The following MITF variants were observed in gnomAD, a reference collection of about 807,000 sequenced individuals.
The protein encoded by MITF is melanocyte inducing transcription factor.
MITF carries 17 observed loss-of-function variants against 60.5 expected under a neutral mutation model. The observed-to-expected ratio is 0.28, with a 90% CI of 0.19 to 0.42. The LOEUF is 0.42. Ranked by LOEUF, MITF falls within the 10% of genes least tolerant of loss-of-function variation. MITF has a pLI of 1.00. For synonymous variants in MITF, 260 were observed against 248.5 expected (o/e 1.05, Z -0.43); for missense variants, 622 against 683.5 (o/e 0.91, Z 1.00).
chr3:69,861,776 G>A (rs977317184), intron 1 of MITF, among the ~76,000 whole-genome samples: 2 of 152,096 alleles, frequency 1.3e-5, no homozygotes, highest in Non-Finnish European at 2.9e-5. Context: ...AGGGCCTTTC[G>A]GTGGCATGTG....
intron 1 of MITF, among the ~76,000 whole-genome samples, chr3:69,860,388 C>G (rs1485515583): frequency 2.0e-5 from 3 of 152,024 alleles, no homozygotes; most frequent in African/African-American, 7.2e-5. Context: ...GGGCGGATCA[C>G]GAGGTCGGGA....
intron 1 of MITF, among the ~76,000 whole-genome samples, chr3:69,805,535 G>T (rs573218693): frequency 6.6e-6 from 1 of 152,050 alleles, no homozygotes; most frequent in South Asian, 2.1e-4. Flanking sequence ...CTTATTTGTT[G>T]TTATCTTTTC....
chr3:69,744,974 T>A (rs1703667961), intron 1 of MITF, among the ~76,000 whole-genome samples: 1 of 152,198 alleles, frequency 6.6e-6, no homozygotes, highest in African/African-American at 2.4e-5. Flanking sequence ...GTATGTACTA[T>A]GTGTGAGCCC....
chr3:69,811,075 C>A (rs2063093539), intron 1 of MITF, among the ~76,000 whole-genome samples: 1 of 152,184 alleles, frequency 6.6e-6, no homozygotes, highest in Non-Finnish European at 1.5e-5. Context: ...ACTCTGACAA[C>A]ACATTAGAAT....
chr3:69,791,497 T>C (rs2106915219), intron 1 of MITF, among the ~76,000 whole-genome samples: 1 of 152,306 alleles, frequency 6.6e-6, no homozygotes, highest in Non-Finnish European at 1.5e-5. Flanking sequence ...TTGCAATTCT[T>C]TATGTGCAAG....
At chr3:69,866,479 C>G in intron 1 of MITF, 3 of 973,188 alleles carry the variant, frequency 3.1e-6, no homozygotes, top group Non-Finnish European at 2.7e-6. Flanking sequence ...TTACTTCTCA[C>G]TGGCTTTAAT....
At chr3:69,783,817 T>C (rs1472036049) in intron 1 of MITF, among the ~76,000 whole-genome samples, 1 of 152,202 alleles carries the variant, frequency 6.6e-6, no homozygotes, top group Admixed American at 6.5e-5. Flanking sequence ...CCTGGGTCTT[T>C]GGACTCCAGC....
chr3:69,826,509 T>C (rs1287423449), intron 1 of MITF, among the ~76,000 whole-genome samples: 1 of 152,248 alleles, frequency 6.6e-6, no homozygotes, highest in Non-Finnish European at 1.5e-5. Flanking sequence ...GCATTTACAG[T>C]GAGGCTATGA....
At chr3:69,757,417 C>T (rs1704191610) in intron 1 of MITF, among the ~76,000 whole-genome samples, 1 of 152,080 alleles carries the variant, frequency 6.6e-6, no homozygotes, top group Non-Finnish European at 1.5e-5. Context: ...AACAAAAAGA[C>T]AAACACACTG....
chr3:69,774,182 A>G (rs1276287815), intron 1 of MITF, among the ~76,000 whole-genome samples: 1 of 152,192 alleles, frequency 6.6e-6, no homozygotes, highest in Non-Finnish European at 1.5e-5. Flanking sequence ...CTAGTGCCAC[A>G]CATGCTAGGA....
intron 2 of MITF, among the ~76,000 whole-genome samples, chr3:69,918,000 T>A (rs1057443241): frequency 6.6e-6 from 1 of 152,172 alleles, no homozygotes; most frequent in Non-Finnish European, 1.5e-5. Context: ...TATATGTTGT[T>A]CCTTCCTTTT....
intron 1 of MITF, among the ~76,000 whole-genome samples, chr3:69,805,751 T>A (rs2062995100): frequency 6.6e-6 from 1 of 151,714 alleles, no homozygotes. Context: ...CTCCAACCCC[T>A]GGCCTCAAGC....
At chr3:69,763,706 G>C (rs1439557053) in intron 1 of MITF, 2 of 1,310,982 alleles carry the variant, frequency 1.5e-6, no homozygotes, top group Admixed American at 3.3e-5. Context: ...AGTGTTTTCA[G>C]CTCTCTTCTG....
intron 1 of MITF, among the ~76,000 whole-genome samples, chr3:69,860,583 A>G (rs992499411): frequency 5.6e-5 from 8 of 142,986 alleles, no homozygotes; most frequent in African/African-American, 7.6e-5. Flanking sequence ...GGGCGACAGA[A>G]CGAGACTCCG....
chr3:69,938,892 G>A (rs2065905396), intron 3 of MITF: 4 of 1,455,246 alleles, frequency 2.7e-6, no homozygotes, highest in African/African-American at 1.4e-5. Flanking sequence ...CAAACCAACT[G>A]CTTTATTTTT....
intron 1 of MITF, among the ~76,000 whole-genome samples, chr3:69,827,433 A>G (rs539434459): frequency 6.6e-6 from 1 of 152,370 alleles, no homozygotes; most frequent in South Asian, 2.1e-4. Flanking sequence ...AATGAGCACT[A>G]TCCATTTGGG....
intron 1 of MITF, among the ~76,000 whole-genome samples, chr3:69,805,080 A>T (rs529906329): frequency 6.6e-6 from 1 of 152,196 alleles, no homozygotes; most frequent in South Asian, 2.1e-4. Context: ...TTAAACAAAC[A>T]AGAACCAAGT....
intron 1 of MITF, among the ~76,000 whole-genome samples, chr3:69,781,552 T>C (rs1431763019): frequency 6.6e-6 from 1 of 152,170 alleles, no homozygotes. Context: ...TATGAAGTCA[T>C]CCCTGCTTAG....
chr3:69,962,195 G>T (rs1424127009), intron 9 of MITF, among the ~76,000 whole-genome samples: 2 of 152,154 alleles, frequency 1.3e-5, no homozygotes, highest in Non-Finnish European at 2.9e-5. Context: ...TTAGCATGTT[G>T]GTGTAGATTT....
Sources: allele counts gnomAD v4.1 joint callset (sites outside exome capture counted in the v4.1 genomes callset), GRCh38; gene constraint gnomAD v4.1.1; transcripts MANE v1.5; gene names NCBI Gene and HGNC (gene_info 2026-07-23, HGNC 2026-07-21).